AP1M1: variants seen among roughly 807,000 people sequenced by gnomAD.
AP1M1 encodes adaptor related protein complex 1 subunit mu 1, also known as AP-1 complex subunit mu-1.
In AP1M1, 18 loss-of-function variants were observed where a neutral mutation model predicts 57.1. That is an observed-to-expected ratio of 0.32 (90% CI 0.22 to 0.47). The LOEUF is 0.47. Ranked by LOEUF, AP1M1 falls within the 20% of genes least tolerant of loss-of-function variation. The pLI is 1.00. For synonymous variants in AP1M1, 241 were observed against 237.9 expected (o/e 1.01, Z -0.12); for missense variants, 362 against 593.5 (o/e 0.61, Z 4.05).
chr19:16,198,308 G>A (rs1263434320), intron 1 of AP1M1: 6 of 310,214 alleles, frequency 1.9e-5, no homozygotes, highest in Non-Finnish European at 3.6e-5. Flanking sequence ...CGCGTTGCCA[G>A]GTAACTGACT....
At chr19:16,220,659 G>A (rs2091540164) in intron 5 of AP1M1, among the ~76,000 whole-genome samples, 2 of 152,142 alleles carry the variant, frequency 1.3e-5, no homozygotes, top group African/African-American at 4.8e-5. Flanking sequence ...CCAAAATGCT[G>A]GGATTACAGG....
Position 16,242,370 on chromosome 19 carries a change from TA to T in AP1M1, c.*7939del, listed in dbSNP as rs1435326219. 6.6e-6 allele frequency: 1 copy of T among 152,104 alleles called. No individual in the cohort carries two copies. Among genetic ancestry groups the T allele is most frequent in the Non-Finnish European group, 1.5e-5 (1 of 68,022 alleles). 9.4% of individuals were successfully genotyped at this position (152,104 alleles called of 1,614,324 possible). ...AAATGCAGGGATGTTCTAAACTTTT[TA>T]AAATAATAAATAATAGTACTTAAAA... On this transcript the variant is annotated 3_prime_UTR_variant, in exon 12 of 12. Coordinates refer to ENST00000291439, the MANE Select transcript of AP1M1 (RefSeq NM_032493.4).
Position 16,206,243 on chromosome 19 carries a change from CTGAGGGTTG to C in AP1M1, c.200-89_200-81del, listed in dbSNP as rs1403070713. 35 of 1,264,238 alleles carry C rather than the reference CTGAGGGTTG, an allele frequency of 2.8e-5. No homozygotes were observed. In the East Asian group the frequency reaches 5.1e-4, roughly 18 times the overall value. The allele number at this position is 1,264,238 out of a possible 1,614,324, so 78.3% of individuals were successfully genotyped here. A position where few individuals can be genotyped will look rare whatever the true frequency, so the allele number is the denominator to read the frequency against. On this transcript the variant is annotated intron_variant, in intron 2 of 11. Coordinates refer to ENST00000291439, the MANE Select transcript of AP1M1 (RefSeq NM_032493.4). This position sits in a 1 kb window ranked among gnomAD's most constrained non-coding sequence, Gnocchi z 4.3. ...GCTGGGAGTGGGGATAGGGAAGGCTCTGAGGGTTGTGAGGGTTAGGGGGTCCCTCCATGA... is the reference window on the plus strand; with the variant it reads ...GCTGGGAGTGGGGATAGGGAAGGCTCTGAGGGTTAGGGGGTCCCTCCATGA...
intron 5 of AP1M1, among the ~76,000 whole-genome samples, chr19:16,218,292 T>C (rs2145128298): frequency 6.6e-6 from 1 of 152,310 alleles, no homozygotes; most frequent in Non-Finnish European, 1.5e-5. Context: ...CCAAGAACCC[T>C]CCCGGGCTGT....
chr19:16,231,393 T>G (rs915328065), intron 9 of AP1M1, among the ~76,000 whole-genome samples: 1 of 151,894 alleles, frequency 6.6e-6, no homozygotes, highest in African/African-American at 2.4e-5. Flanking sequence ...ACTAAAAGTT[T>G]TTTTTTTTTT....
intron 5 of AP1M1, among the ~76,000 whole-genome samples, chr19:16,225,519 C>T (rs966271152): frequency 7.2e-5 from 11 of 152,340 alleles, no homozygotes; most frequent in Admixed American, 5.2e-4. Context: ...GCTCCAGCAT[C>T]TTGGCTCACG....
intron 5 of AP1M1, among the ~76,000 whole-genome samples, chr19:16,216,256 G>T (rs1458042831): frequency 2.6e-5 from 4 of 152,186 alleles, no homozygotes; most frequent in East Asian, 1.9e-4. Flanking sequence ...CCATCCTGGT[G>T]AACACAGTGA....
rs1599448976 is a variant in AP1M1 at position 16,198,076 on chromosome 19, G to A, written c.42+8G>A. The A allele has an allele frequency of 1.9e-6, 3 of 1,599,370 alleles. No homozygotes were observed. The highest frequency in any genetic ancestry group is 2.4e-5 in the East Asian group (1 of 42,152). On this transcript the variant is annotated splice_region_variant and intron_variant, in intron 1 of 11. Transcript: ENST00000291439. ...CTGGACCTGAAGGGCAAGGTACTGAGGGCTCCCCACCCTCCCTGTTGCCAG... is the reference window on the plus strand; with the variant it reads ...CTGGACCTGAAGGGCAAGGTACTGAAGGCTCCCCACCCTCCCTGTTGCCAG...
At position 16,236,315 on chromosome 19, in the gene AP1M1, G is replaced by T. The variant is rs1475498049; in HGVS notation, c.*1880G>T. 6.6e-6 allele frequency: 1 copy of T among 152,260 alleles called. No individual in the cohort carries two copies. The highest frequency in any genetic ancestry group is 1.5e-5 in the Non-Finnish European group (1 of 68,090). 9.4% of individuals were successfully genotyped at this position (152,260 alleles called of 1,614,324 possible). ...TCCAGCAACTTATCAGATAAGACCTGCAAACCCTCCACTACAGACTGTAGA... is the reference window on the plus strand; with the variant it reads ...TCCAGCAACTTATCAGATAAGACCTTCAAACCCTCCACTACAGACTGTAGA... On this transcript the variant is annotated 3_prime_UTR_variant, in exon 12 of 12. Coordinates refer to ENST00000291439, the MANE Select transcript of AP1M1 (RefSeq NM_032493.4).
chr19:16,228,767 C>T lies in AP1M1; in HGVS notation c.889-3C>T, dbSNP rs775302966. 2 of 1,613,710 alleles carry T rather than the reference C, an allele frequency of 1.2e-6. No individual in the cohort carries two copies. The highest frequency in any genetic ancestry group is 1.7e-6 in the Non-Finnish European group (2 of 1,179,972). ...CCCCGGGCCGCATTGGCCTGGCCTG[C>T]AGGCCAAAAGCCAGTTCAAGCGGCG... On this transcript the variant is annotated splice_region_variant and splice_polypyrimidine_tract_variant and intron_variant, in intron 8 of 11. Transcript: ENST00000291439. This position sits in a 1 kb window ranked among gnomAD's most constrained non-coding sequence, Gnocchi z 5.0.
Position 16,203,886 on chromosome 19 carries a change from G to A in AP1M1, c.199+271G>A, listed in dbSNP as rs922085406. 1.3e-5 allele frequency among the ~76,000 whole-genome samples: 2 copies of A among 152,340 alleles called. No homozygotes were observed. Among genetic ancestry groups the A allele is most frequent in the East Asian group, 3.9e-4 (2 of 5,182 alleles). On this transcript the variant is annotated intron_variant, in intron 2 of 11. Coordinates refer to ENST00000291439, the MANE Select transcript of AP1M1 (RefSeq NM_032493.4). The surrounding 1 kb of genome is among the most constrained non-coding windows in gnomAD (Gnocchi z 4.6). ...TGACACCCTGGAGGAAGCCTGCAGG[G>A]AGGCCTGGCTTCTGCCAGCTGGAGG...
At chr19:16,226,388 G>GA (rs1354659021) in intron 5 of AP1M1, 33 bp from the exon 6 acceptor site, 1 of 1,511,172 alleles carries the variant, frequency 6.6e-7, no homozygotes, top group African/African-American at 1.4e-5. Context: ...GTGAGTTGGG[G>GA]ACCTCCCCTC....
At chr19:16,225,042 TGAG>T (rs1262045162) in intron 5 of AP1M1, among the ~76,000 whole-genome samples, 1 of 151,866 alleles carries the variant, frequency 6.6e-6, no homozygotes, top group Non-Finnish European at 1.5e-5. Flanking sequence ...GCTTGCGAGA[TGAG>T]GACAGGACAG....
At chr19:16,213,283 C>T (rs2091503014) in intron 5 of AP1M1, among the ~76,000 whole-genome samples, 1 of 152,162 alleles carries the variant, frequency 6.6e-6, no homozygotes, top group Non-Finnish European at 1.5e-5. Context: ...CTGTTGGCTG[C>T]ATATTTATTT....
chr19:16,207,500 G>A lies in AP1M1; in HGVS notation c.268-519G>A, dbSNP rs1476482598. 6.6e-6 allele frequency among the ~76,000 whole-genome samples: 1 copy of A among 152,150 alleles called. No homozygotes were observed. Among genetic ancestry groups the A allele is most frequent in the Non-Finnish European group, 1.5e-5 (1 of 68,028 alleles). ...GGGGAAGGTCCTCACCCAAGGGTTG[G>A]GCTGTGCCTTTCTGTTTTAGTGACG... is the stretch of plus-strand genomic sequence containing the variant. On this transcript the variant is annotated intron_variant, in intron 3 of 11. Transcript: ENST00000291439. This position sits in a 1 kb window ranked among gnomAD's most constrained non-coding sequence, Gnocchi z 4.2.
intron 9 of AP1M1, among the ~76,000 whole-genome samples, chr19:16,231,287 CAAAAAAAAAAA>C (rs1231125818): frequency 0.66 from 76,629 of 115,814 alleles, 24,556 homozygotes; most frequent in Non-Finnish European, 0.75. Context: ...GACTCTGTCT[CAAAAAAAAAAA>C]AAAAAAAAAA....
intron 4 of AP1M1, among the ~76,000 whole-genome samples, chr19:16,208,450 A>T (rs1599454742): frequency 6.6e-6 from 1 of 152,234 alleles, no homozygotes; most frequent in East Asian, 1.9e-4. Context: ...ATAAAATGAG[A>T]CTGTGATCGA....
chr19:16,212,222 G>A (rs536932524), intron 5 of AP1M1, among the ~76,000 whole-genome samples: 4 of 152,168 alleles, frequency 2.6e-5, no homozygotes, highest in South Asian at 2.1e-4. Flanking sequence ...CTGTGAGTCC[G>A]TCTGGTCCAG....
rs2091635015 is a variant in AP1M1 at position 16,238,927 on chromosome 19, T to C, written c.*4492T>C. ...TATACTTTTTGTAGTTTTTTTGTTT[T>C]TTGTTTTTGTTTTTGTTTTTTTTGA... On this transcript the variant is annotated 3_prime_UTR_variant, in exon 12 of 12. Transcript: ENST00000291439. The C allele has an allele frequency of 6.6e-6, 1 of 151,458 alleles. No homozygotes were observed. Among genetic ancestry groups the C allele is most frequent in the African/African-American group, 2.4e-5 (1 of 41,142 alleles). 9.4% of individuals were successfully genotyped at this position (151,458 alleles called of 1,614,324 possible).
Sources: allele counts gnomAD v4.1 joint callset (sites outside exome capture counted in the v4.1 genomes callset), GRCh38; gene constraint gnomAD v4.1.1; non-coding constraint Gnocchi (gnomAD v3.1); transcripts MANE v1.5; gene names NCBI Gene and HGNC (gene_info 2026-07-23, HGNC 2026-07-21).